SPINK9: variants seen among roughly 807,000 people sequenced by gnomAD.
SPINK9 encodes the protein serine protease inhibitor Kazal-type 9.
In SPINK9, 3 loss-of-function variants were observed where a neutral mutation model predicts 10.8. That is an observed-to-expected ratio of 0.28 (90% confidence interval 0.13 to 0.72). SPINK9 has a LOEUF of 0.72. Ranked by LOEUF, SPINK9 falls within the 30% of genes least tolerant of loss-of-function variation. The pLI is 0.74. For synonymous variants in SPINK9, 30 were observed against 31.2 expected (o/e 0.96, Z 0.12); for missense variants, 101 against 103.2 (o/e 0.98, Z 0.09).
chr5:148,324,874 T>C lies in SPINK9; in HGVS notation c.118+1006T>C, dbSNP rs145279309. ...AAATTGTGCAATCATCACCGCTATC[T>C]AATGCCAGGACATTTCATTATACCA... On this transcript the variant is annotated intron_variant, in intron 2 of 4. Transcript: ENST00000511717. Among the ~76,000 whole-genome samples the C allele has an allele frequency of 5.0e-3, 762 of 152,176 alleles. 7 individuals are homozygous for C. Among genetic ancestry groups the C allele is most frequent in the African/African-American group, 0.017 (701 of 41,560 alleles).
At chr5:148,325,461 A>T (rs906521553) in intron 2 of SPINK9, among the ~76,000 whole-genome samples, 3 of 152,060 alleles carry the variant, frequency 2.0e-5, no homozygotes, top group African/African-American at 7.2e-5. Context: ...TATCTTAACC[A>T]TCCTAATGGA....
intron 2 of SPINK9, among the ~76,000 whole-genome samples, chr5:148,324,162 T>C (rs561112544): frequency 1.3e-5 from 2 of 152,290 alleles, no homozygotes; most frequent in East Asian, 1.9e-4. Context: ...CAAGTTTTTT[T>C]CCCCTTGCTT....
intron 2 of SPINK9, among the ~76,000 whole-genome samples, chr5:148,325,508 A>G (rs1026148332): frequency 1.3e-5 from 2 of 152,072 alleles, no homozygotes; most frequent in Non-Finnish European, 2.9e-5. Context: ...TCATGTCCCT[A>G]ATAACTAATG....
intron 2 of SPINK9, among the ~76,000 whole-genome samples, chr5:148,325,395 G>A (rs1757046075): frequency 6.6e-6 from 1 of 152,004 alleles, no homozygotes; most frequent in South Asian, 2.1e-4. Context: ...TTATACCAGC[G>A]ATGTATAATG....
Position 148,335,890 on chromosome 5 carries a change from C to A in SPINK9, c.55+222C>A, listed in dbSNP as rs78908455. Among the ~76,000 whole-genome samples, 232 of 152,198 alleles carry A rather than the reference C, an allele frequency of 1.5e-3. 1 individual carries two copies. The highest frequency in any genetic ancestry group is 3.4e-3 in the Middle Eastern group (1 of 292). On this transcript the variant is annotated intron_variant, in intron 1 of 3. Transcript: ENST00000377906. ...AGTCAAATGCTTATTCATGAGAATACTTTGTATAATTTTTTAGGGAGAGGA... is the reference window on the plus strand; with the variant it reads ...AGTCAAATGCTTATTCATGAGAATAATTTGTATAATTTTTTAGGGAGAGGA...
At chr5:148,328,862 C>T (rs565863693) in intron 2 of SPINK9, among the ~76,000 whole-genome samples, 1 of 152,260 alleles carries the variant, frequency 6.6e-6, no homozygotes, top group East Asian at 1.9e-4. Flanking sequence ...CCCACTTGAT[C>T]ATGGTGGATA....
chr5:148,335,632 G>C lies in SPINK9; in HGVS notation c.19G>C (p.Val7Leu). 6.2e-7 allele frequency: 1 copy of C among 1,613,670 alleles called. No individual in the cohort carries two copies. Among genetic ancestry groups the C allele is most frequent in the Middle Eastern group, 1.7e-4 (1 of 6,058 alleles). Reference protein sequence around the residue: MRATAIVLLLALTLATM... With the variant: MRATAILLLLALTLATM... ...CAGTACTATGAGAGCAACAGCCATAGTCCTACTCTTGGCTCTGACACTTGC... is the reference window on the plus strand; with the variant it reads ...CAGTACTATGAGAGCAACAGCCATACTCCTACTCTTGGCTCTGACACTTGC... The change falls in exon 1 of 4, where the codon GTC (valine) becomes CTC (leucine). Residue 7 changes from valine to leucine, a missense_variant. By Grantham distance (32) the Val-to-Leu change is conservative (BLOSUM62 1). Coordinates refer to ENST00000377906, the MANE Select transcript of SPINK9 (RefSeq NM_001040433.2).
intron 2 of SPINK9, among the ~76,000 whole-genome samples, chr5:148,325,973 T>C (rs1757054142): frequency 6.6e-6 from 1 of 152,172 alleles, no homozygotes; most frequent in Non-Finnish European, 1.5e-5. Context: ...AAAAGATTAT[T>C]CTCCGAAGAA....
intron 1 of SPINK9, among the ~76,000 whole-genome samples, 157 bp from the exon 2 acceptor site, chr5:148,336,265 A>T (rs1018009212): frequency 6.6e-6 from 1 of 152,226 alleles, no homozygotes; most frequent in Non-Finnish European, 1.5e-5. Context: ...ACGTGTGAAG[A>T]GCTTCAACCT....
rs1483185530 is a variant in SPINK9 at position 148,336,459 on chromosome 5, T to C, written c.87+6T>C. On this transcript the variant is annotated splice_donor_region_variant and intron_variant, in intron 2 of 3. Coordinates refer to ENST00000377906, the MANE Select transcript of SPINK9 (RefSeq NM_001040433.2). Reference sequence around the variant, plus strand: ...CCAAACAGACGAAACAGATGGTCAGTACACCCATCCTACTTTTATGTAATT... The same window carrying C: ...CCAAACAGACGAAACAGATGGTCAGCACACCCATCCTACTTTTATGTAATT... 6.2e-7 allele frequency: 1 copy of C among 1,613,226 alleles called. No individual in the cohort carries two copies.
chr5:148,334,383 T>G (rs555904021), upstream of SPINK9, among the ~76,000 whole-genome samples: 1 of 151,150 alleles, frequency 6.6e-6, no homozygotes, highest in Non-Finnish European at 1.5e-5. Flanking sequence ...AAGAAAAGGG[T>G]CCAGAGGACC....
chr5:148,335,819 A>T (rs1757210433), intron 1 of SPINK9, 151 bp downstream of exon 1: 1 of 806,774 alleles, frequency 1.2e-6, no homozygotes, highest in Non-Finnish European at 2.0e-6. Context: ...ACGAATTGCT[A>T]AATCACATCA....
chr5:148,326,547 G>C (rs1757062750), intron 2 of SPINK9, among the ~76,000 whole-genome samples: 1 of 152,014 alleles, frequency 6.6e-6, no homozygotes, highest in Non-Finnish European at 1.5e-5. Flanking sequence ...AAATTTTAGG[G>C]TACACGTGCA....
In SPINK9 at chr5:148,339,684, T is replaced by G. The variant is rs1377647333; in HGVS notation, c.233T>G (p.Leu78Arg). 6.2e-7 allele frequency: 1 copy of G among 1,612,732 alleles called. No homozygotes were observed. Among genetic ancestry groups the G allele is most frequent in the African/African-American group, 1.3e-5 (1 of 74,874 alleles). The change falls in exon 4 of 4, where the codon CTT becomes CGT. Residue 78 changes from leucine (L) to arginine (R), a missense_variant. Transcript: ENST00000377906. ...CSKVKKTDGT[L>R]KFVHFGKC The stretch of plus-strand genomic sequence containing the variant: ...CTCCACAGGAAAACTGACGGCACAC[T>G]TAAATTTGTACATTTTGGAAAATGT...
intron 2 of SPINK9, chr5:148,323,976 C>A: frequency 1.9e-6 from 1 of 519,524 alleles, no homozygotes; most frequent in South Asian, 3.0e-5. Context: ...TTGTGGGAGT[C>A]AGATGAGATA....
At chr5:148,329,711 T>G (rs1048130976) in intron 2 of SPINK9, among the ~76,000 whole-genome samples, 1 of 152,220 alleles carries the variant, frequency 6.6e-6, no homozygotes, top group Non-Finnish European at 1.5e-5. Flanking sequence ...TGTGTCTTTG[T>G]TCTCGTTGGT....
chr5:148,321,378 G>A (rs572876845), exon 1 of SPINK9: 2 of 152,174 alleles, frequency 1.3e-5, no homozygotes, highest in Non-Finnish European at 2.9e-5. Context: ...CTCAGGAGCC[G>A]ATGCGATCAA....
At chr5:148,334,980 T>C (rs1161108878), upstream of SPINK9, among the ~76,000 whole-genome samples, 1 of 152,172 alleles carries the variant, frequency 6.6e-6, no homozygotes, top group Non-Finnish European at 1.5e-5. Context: ...TATGATGATC[T>C]TGTCCCCAGA....
chr5:148,333,270 C>A (rs1029350567), upstream of SPINK9, among the ~76,000 whole-genome samples: 1 of 152,192 alleles, frequency 6.6e-6, no homozygotes, highest in East Asian at 1.9e-4. Context: ...TCCAACTCTA[C>A]TGATGCAGGA....
Sources: gnomAD v4.1 joint callset for allele counts (sites outside exome capture counted in the v4.1 genomes callset) on GRCh38, gnomAD v4.1.1 for gene constraint, MANE v1.5 for transcripts, NCBI Gene and HGNC (gene_info 2026-07-23, HGNC 2026-07-21) for gene names.